Variants in TBL1X observed in about 807,000 individuals in gnomAD.
The protein encoded by TBL1X is F-box-like/WD repeat-containing protein TBL1X.
In TBL1X, 10 loss-of-function variants were observed where a neutral mutation model predicts 50.7. The ratio of observed to expected loss-of-function variants is 0.20; its 90% CI spans 0.12 to 0.33. TBL1X has a LOEUF of 0.33. Ranked by LOEUF, TBL1X falls within the 10% of genes least tolerant of loss-of-function variation. TBL1X has a pLI of 1.00. For synonymous variants in TBL1X, 190 were observed against 214.7 expected (o/e 0.88, Z 1.01); for missense variants, 340 against 504.4 (o/e 0.67, Z 3.12).
At chrX:9,552,281 C>T (rs1189732978) in intron 2 of TBL1X, among the ~76,000 whole-genome samples, 1 of 111,638 alleles carries the variant, frequency 9.0e-6, no homozygotes, top group Non-Finnish European at 1.9e-5. Flanking sequence ...ACTCAGATCC[C>T]AGCTCTGACC....
intron 2 of TBL1X, among the ~76,000 whole-genome samples, chrX:9,507,611 C>G (rs1312380656): frequency 8.9e-6 from 1 of 112,021 alleles, no homozygotes; most frequent in Admixed American, 9.5e-5. Context: ...CATATGGAAT[C>G]AAAGAAGATC....
At chrX:9,469,136 T>C (rs2081796265) in intron 1 of TBL1X, among the ~76,000 whole-genome samples, 1 of 109,262 alleles carries the variant, frequency 9.2e-6, no homozygotes, top group Non-Finnish European at 1.9e-5. Flanking sequence ...CATAGAATTA[T>C]TATAATGCTT....
chrX:9,628,554 C>T (rs865862831), intron 2 of TBL1X, among the ~76,000 whole-genome samples: 4 of 102,652 alleles, frequency 3.9e-5, no homozygotes, highest in Non-Finnish European at 4.0e-5. Context: ...TTTTTCTTTT[C>T]TTTTTTTTTT....
chrX:9,533,242 C>T (rs1302542616), intron 2 of TBL1X, among the ~76,000 whole-genome samples: 2 of 111,578 alleles, frequency 1.8e-5, no homozygotes, highest in East Asian at 2.8e-4. Context: ...AGCCCATAGA[C>T]GAGCGCGAAC....
At chrX:9,628,322 C>T (rs1418561082) in intron 2 of TBL1X, among the ~76,000 whole-genome samples, 1 of 111,816 alleles carries the variant, frequency 8.9e-6, no homozygotes, top group Non-Finnish European at 1.9e-5. Context: ...GCACCCTCTC[C>T]GTATGGTGAC....
chrX:9,688,110 C>G lies in TBL1X; in HGVS notation c.451C>G (p.Arg151Gly), dbSNP rs763813359. The G allele has an allele frequency of 8.3e-7, 1 of 1,210,479 alleles. No homozygotes were observed. The highest frequency in any genetic ancestry group is 1.8e-5 in the South Asian group (1 of 56,794). ...DVVQTRQQAF[R>G]EKLAQQQASA... The stretch of plus-strand genomic sequence containing the variant: ...GGTGCAGACGCGGCAGCAGGCATTC[C>G]GAGAGAAGCTCGCTCAGCAGCAAGC... The change falls in exon 7 of 18, where the codon CGA (arginine) becomes GGA (glycine). Residue 151 changes from arginine (R) to glycine (G), a missense_variant. By Grantham distance (125) the Arg-to-Gly change is moderately radical. Transcript: ENST00000645353.
intron 13 of TBL1X, among the ~76,000 whole-genome samples, chrX:9,708,317 G>A (rs768765745): frequency 1.4e-3 from 154 of 112,499 alleles, no homozygotes; most frequent in Non-Finnish European, 2.5e-3. Flanking sequence ...CTACCTGGCT[G>A]TGCCGATCAC....
chrX:9,648,188 A>G (rs998840230), intron 3 of TBL1X, among the ~76,000 whole-genome samples: 1 of 111,407 alleles, frequency 9.0e-6, no homozygotes, highest in South Asian at 3.9e-4. Context: ...TCTCTAGCCA[A>G]TAAGCCTATA....
chrX:9,673,801 C>T lies in TBL1X; in HGVS notation c.212-10242C>T, dbSNP rs367582973. Reference sequence around the variant, plus strand: ...ATTGGGGGCTAGGTGCGGTGGCTCACGCCTGTAGTAATCCCAGCACTTTGG... The same window carrying T: ...ATTGGGGGCTAGGTGCGGTGGCTCATGCCTGTAGTAATCCCAGCACTTTGG... On this transcript the variant is annotated intron_variant, in intron 5 of 17. Transcript: ENST00000645353. Among the ~76,000 whole-genome samples, 7 of 112,241 alleles carry T rather than the reference C, an allele frequency of 6.2e-5. No individual in the cohort carries two copies. The East Asian group carries it at 8.3e-4, about 13-fold the overall frequency.
intron 7 of TBL1X, among the ~76,000 whole-genome samples, chrX:9,690,552 C>G (rs768854774): frequency 8.9e-6 from 1 of 112,065 alleles, no homozygotes; most frequent in Non-Finnish European, 1.9e-5. Context: ...AGCCCTATCT[C>G]CAAATACAGC....
chrX:9,713,441 T>TTTTTTTG (rs2083260442), intron 16 of TBL1X, among the ~76,000 whole-genome samples: 1 of 102,381 alleles, frequency 9.8e-6, no homozygotes, highest in Admixed American at 1.1e-4. Flanking sequence ...TTTTTTTTTT[T>TTTTTTTG]TTTGGATCGG....
chrX:9,618,802 G>T (rs1022252116), intron 2 of TBL1X, among the ~76,000 whole-genome samples: 2 of 112,535 alleles, frequency 1.8e-5, no homozygotes, highest in South Asian at 7.3e-4. Context: ...GTGCATAAAT[G>T]AATTTTTATT....
In TBL1X at chrX:9,686,483, A is replaced by T. The variant is rs934568397; in HGVS notation, c.358-1534A>T. On this transcript the variant is annotated intron_variant, in intron 6 of 17. Coordinates refer to ENST00000645353, the MANE Select transcript of TBL1X (RefSeq NM_005647.4). The stretch of plus-strand genomic sequence containing the variant: ...GAAGCCAAGGCAGGAGGGTTGCCTG[A>T]GGCCAGAAGTTCTAGACCAGCCTGG... 5.3e-5 allele frequency among the ~76,000 whole-genome samples: 6 copies of T among 112,493 alleles called. No individual in the cohort carries two copies. The Admixed American group carries it at 5.6e-4, about 11-fold the overall frequency.
chrX:9,663,355 C>T (rs2082909525), intron 5 of TBL1X, among the ~76,000 whole-genome samples: 1 of 112,098 alleles, frequency 8.9e-6, no homozygotes, highest in Admixed American at 9.5e-5. Context: ...TGTGGCATGC[C>T]TGTGCCGTGG....
intron 1 of TBL1X, among the ~76,000 whole-genome samples, chrX:9,497,928 C>T (rs959052358): frequency 4.5e-5 from 4 of 89,682 alleles, no homozygotes; most frequent in African/African-American, 1.6e-4. Context: ...GGTGGGGTCT[C>T]GCTAAGTTTC....
intron 2 of TBL1X, among the ~76,000 whole-genome samples, chrX:9,514,943 A>T (rs2082074617): frequency 8.9e-6 from 1 of 112,039 alleles, no homozygotes; most frequent in African/African-American, 3.2e-5. Flanking sequence ...GAGCTCCTTG[A>T]CTTTCTTGGA....
intron 5 of TBL1X, 37 bp downstream of exon 5, chrX:9,654,359 C>G: frequency 8.6e-7 from 1 of 1,160,772 alleles, no homozygotes; most frequent in South Asian, 1.8e-5. Flanking sequence ...GGAAATTCAT[C>G]TACAGCATCT....
intron 2 of TBL1X, among the ~76,000 whole-genome samples, chrX:9,546,866 T>C (rs1161068289): frequency 3.5e-4 from 29 of 83,855 alleles, no homozygotes; most frequent in African/African-American, 5.4e-4. Context: ...TCGCCCAGGC[T>C]GGAGTGCAGT....
chrX:9,574,387 G>A (rs1458980426), intron 2 of TBL1X, among the ~76,000 whole-genome samples: 2 of 102,646 alleles, frequency 1.9e-5, no homozygotes, highest in Admixed American at 1.1e-4. Context: ...CTAAGAGTTC[G>A]AGGCTACAAG....
Sources: gnomAD v4.1 joint callset for allele counts (sites outside exome capture counted in the v4.1 genomes callset) on GRCh38, gnomAD v4.1.1 for gene constraint, MANE v1.5 for transcripts, NCBI Gene and HGNC (gene_info 2026-07-23, HGNC 2026-07-21) for gene names.